CDH12: variants seen among roughly 807,000 people sequenced by gnomAD.
The protein encoded by CDH12 is cadherin 12, also known as cadherin-12.
Under a neutral mutation model 74.1 loss-of-function variants are expected in CDH12, and 41 were observed. The ratio of observed to expected loss-of-function variants is 0.55; its 90% CI spans 0.43 to 0.72. The LOEUF is 0.72. Among genes scored for constraint, CDH12 ranks in the 30% least tolerant of loss-of-function variants. CDH12 has a pLI of 0.00. For missense variants in CDH12, 945 were observed against 977.2 expected (o/e 0.97, Z 0.44); for synonymous variants, 399 against 355.0 (o/e 1.12, Z -1.39).
intron 2 of CDH12, among the ~76,000 whole-genome samples, chr5:22,478,697 G>A (rs2966949): frequency 0.56 from 83,984 of 151,158 alleles, 23,558 homozygotes; most frequent in Admixed American, 0.69. Flanking sequence ...TTGATGAGGG[G>A]AAAAAAGCCC....
intron 14 of CDH12, among the ~76,000 whole-genome samples, chr5:21,754,192 T>C (rs1744253984): frequency 6.6e-6 from 1 of 152,130 alleles, no homozygotes; most frequent in Admixed American, 6.6e-5. Context: ...TACAGTCTTT[T>C]TCATTACAGG....
intron 1 of CDH12, among the ~76,000 whole-genome samples, chr5:22,793,114 T>G (rs979231696): frequency 5.3e-5 from 8 of 152,148 alleles, no homozygotes; most frequent in African/African-American, 1.7e-4. Context: ...TCCCATTAGT[T>G]TGGTTGGAGC....
intron 6 of CDH12, among the ~76,000 whole-genome samples, chr5:21,933,871 T>C (rs1754955990): frequency 6.6e-6 from 1 of 152,200 alleles, no homozygotes. Flanking sequence ...AACGTGGCAG[T>C]GTACTCCCCT....
chr5:22,535,300 G>A (rs1005314940), intron 1 of CDH12, among the ~76,000 whole-genome samples: 17 of 151,716 alleles, frequency 1.1e-4, no homozygotes, highest in East Asian at 7.8e-4. Flanking sequence ...GACTACAGGC[G>A]CCCGCTACCA....
At chr5:21,881,506 C>T (rs532938218) in intron 6 of CDH12, among the ~76,000 whole-genome samples, 1 of 152,290 alleles carries the variant, frequency 6.6e-6, no homozygotes, top group South Asian at 2.1e-4. Context: ...CCCTAGTCCA[C>T]CTCCAGGGAA....
At chr5:22,590,903 T>C (rs1198350428) in intron 1 of CDH12, among the ~76,000 whole-genome samples, 1 of 152,162 alleles carries the variant, frequency 6.6e-6, no homozygotes, top group Non-Finnish European at 1.5e-5. Context: ...AGCTATGTAT[T>C]TTATGCTATT....
chr5:22,811,898 C>T (rs72748754), intron 1 of CDH12, among the ~76,000 whole-genome samples: 2 of 152,010 alleles, frequency 1.3e-5, no homozygotes, highest in African/African-American at 4.8e-5. Flanking sequence ...TGACCACATT[C>T]AATGAAAAGA....
intron 1 of CDH12, among the ~76,000 whole-genome samples, chr5:22,633,091 T>C (rs1738667132): frequency 6.6e-6 from 1 of 152,094 alleles, no homozygotes; most frequent in South Asian, 2.1e-4. Context: ...CCAACAATGT[T>C]ATATCCAGTA....
chr5:21,972,758 T>G (rs1399382568), intron 6 of CDH12, among the ~76,000 whole-genome samples: 1 of 152,150 alleles, frequency 6.6e-6, no homozygotes, highest in Non-Finnish European at 1.5e-5. Context: ...AGGTTTATTT[T>G]TTAACATTCA....
At chr5:22,305,055 T>A (rs1251178736) in intron 3 of CDH12, among the ~76,000 whole-genome samples, 5 of 152,330 alleles carry the variant, frequency 3.3e-5, no homozygotes, top group East Asian at 3.9e-4. Context: ...ACAATTTTTT[T>A]AAGTTTTTAA....
intron 1 of CDH12, among the ~76,000 whole-genome samples, chr5:22,570,472 C>T (rs1435575270): frequency 6.6e-6 from 1 of 152,050 alleles, no homozygotes; most frequent in Non-Finnish European, 1.5e-5. Context: ...ATATCTCCCT[C>T]AGAGCTCTTG....
chr5:22,498,897 G>GTTTCTTTTTTTTTTTTTTTTTTTT (rs1747217604), intron 2 of CDH12, among the ~76,000 whole-genome samples: 1 of 108,338 alleles, frequency 9.2e-6, no homozygotes. Flanking sequence ...TTCTTTTTCT[G>GTTTCTTTTTTTTTTTTTTTTTTTT]TTTCTTTTTT....
At chr5:22,218,933 T>G (rs1751916955) in intron 3 of CDH12, among the ~76,000 whole-genome samples, 2 of 151,770 alleles carry the variant, frequency 1.3e-5, no homozygotes. Flanking sequence ...TTTCTTAAAT[T>G]GTATACAGCA....
chr5:21,892,756 A>C (rs116532650), intron 6 of CDH12, among the ~76,000 whole-genome samples: 6,763 of 152,250 alleles, frequency 0.044, 198 homozygotes, highest in Non-Finnish European at 0.066. Flanking sequence ...CTCCTCCTTA[A>C]AAAAATCTGT....
intron 2 of CDH12, among the ~76,000 whole-genome samples, chr5:22,500,751 T>C (rs916104801): frequency 6.6e-6 from 1 of 152,294 alleles, no homozygotes; most frequent in Admixed American, 6.5e-5. Context: ...TCATTGGTTT[T>C]AATCCTTACC....
intron 1 of CDH12, among the ~76,000 whole-genome samples, chr5:22,699,140 T>C (rs796977825): frequency 9.2e-5 from 14 of 152,276 alleles, no homozygotes; most frequent in African/African-American, 3.4e-4. Context: ...AACGAGATGA[T>C]TCAGTCTTAT....
At chr5:21,899,382 T>C (rs1366074245) in intron 6 of CDH12, among the ~76,000 whole-genome samples, 2 of 152,200 alleles carry the variant, frequency 1.3e-5, no homozygotes, top group Non-Finnish European at 2.9e-5. Flanking sequence ...AGAAAATAGA[T>C]ACTTGATACA....
At chr5:22,311,513 C>T (rs1369346171) in intron 3 of CDH12, among the ~76,000 whole-genome samples, 2 of 151,814 alleles carry the variant, frequency 1.3e-5, no homozygotes, top group African/African-American at 4.8e-5. Flanking sequence ...ACCAGCCTGA[C>T]CAACATGGTG....
At chr5:22,403,277 T>A (rs1315389508) in intron 3 of CDH12, among the ~76,000 whole-genome samples, 1 of 152,200 alleles carries the variant, frequency 6.6e-6, no homozygotes, top group East Asian at 1.9e-4. Flanking sequence ...ATATTCACTT[T>A]ACATGTGGGT....
Sources: allele counts gnomAD v4.1 joint callset (sites outside exome capture counted in the v4.1 genomes callset), GRCh38; gene constraint gnomAD v4.1.1; transcripts MANE v1.5; gene names NCBI Gene and HGNC (gene_info 2026-07-23, HGNC 2026-07-21).